LRBA: variants seen among roughly 807,000 people sequenced by gnomAD.
LRBA encodes the protein lipopolysaccharide-responsive and beige-like anchor protein.
Under a neutral mutation model 330.0 loss-of-function variants are expected in LRBA, and 176 were observed. The ratio of observed to expected loss-of-function variants is 0.53; its 90% confidence interval spans 0.47 to 0.60. The LOEUF (loss-of-function observed/expected upper bound fraction) is 0.60, where lower values mean the gene tolerates loss of function less well. Ranked by LOEUF, LRBA falls within the 20% of genes least tolerant of loss-of-function variation. The probability of loss-of-function intolerance (pLI) is 0.00; values close to 1 mark genes in which losing one functional copy is unlikely to be tolerated. For synonymous variants in LRBA, 1,230 were observed against 1,193.0 expected (o/e 1.03, Z -0.64); for missense variants, 3,259 against 3,444.8 (o/e 0.95, Z 1.35).
At chr4:150,362,062 G>A (rs1738784851) in intron 47 of LRBA, among the ~76,000 whole-genome samples, 2 of 152,102 alleles carry the variant, frequency 1.3e-5, no homozygotes, top group Admixed American at 6.5e-5. Context: ...ATGAGCCACC[G>A]CGCCTCGCCC....
At chr4:150,951,189 A>C (rs574863611) in intron 2 of LRBA, among the ~76,000 whole-genome samples, 1 of 152,142 alleles carries the variant, frequency 6.6e-6, no homozygotes, top group Admixed American at 6.5e-5. Context: ...TTTTATACTT[A>C]AGCTACTTTG....
intron 37 of LRBA, among the ~76,000 whole-genome samples, chr4:150,629,323 C>A (rs556785825): frequency 6.6e-5 from 10 of 152,318 alleles, no homozygotes; most frequent in African/African-American, 2.4e-4. Flanking sequence ...AACGGCCCAC[C>A]AATTATAAAA....
intron 42 of LRBA, among the ~76,000 whole-genome samples, chr4:150,475,302 G>C (rs1159755298): frequency 6.6e-6 from 1 of 152,146 alleles, no homozygotes; most frequent in Admixed American, 6.5e-5. Flanking sequence ...TATAGAATGA[G>C]TTGCAAGTGT....
intron 40 of LRBA, among the ~76,000 whole-genome samples, chr4:150,551,791 A>G (rs2152247708): frequency 6.6e-6 from 1 of 152,340 alleles, no homozygotes; most frequent in South Asian, 2.1e-4. Flanking sequence ...AGTCCCATAG[A>G]AAAGTCTATT....
intron 34 of LRBA, among the ~76,000 whole-genome samples, chr4:150,791,458 G>A (rs1410455314): frequency 6.6e-6 from 1 of 152,190 alleles, no homozygotes; most frequent in African/African-American, 2.4e-5. Flanking sequence ...AATAATAGAT[G>A]ATAGTTTCCT....
rs1333117971 is a variant in LRBA, at chr4:150,809,920, GAT to G, written c.5306-1524_5306-1523del. ...GATACGATACGATACGATACGATAC[GAT>G]ACGATACGATACTTCCCTCTGCTTC... On this transcript the variant is annotated intron_variant, in intron 31 of 56. Coordinates refer to ENST00000651943, the MANE Select transcript of LRBA (RefSeq NM_001364905.1). Among the ~76,000 whole-genome samples the G allele has an allele frequency of 6.1e-4, 65 of 106,336 alleles. 1 individual carries two copies. Among genetic ancestry groups the G allele is most frequent in the Middle Eastern group, 5.3e-3 (1 of 188 alleles). The allele number at this position is 106,336 out of a possible 152,430, so 69.8% of individuals were successfully genotyped here. A position where few individuals can be genotyped will look rare whatever the true frequency, so the allele number is the denominator to read the frequency against.
rs148879155 is a variant in LRBA, at chr4:150,279,153, G to A, written c.8317-1149C>T. Reference sequence around the variant, plus strand: ...ATAAATAAGGTTTTACCAGAACATCGCCACACCTATTATTTGTTTATGACT... The same window carrying A: ...ATAAATAAGGTTTTACCAGAACATCACCACACCTATTATTTGTTTATGACT... On this transcript the variant is annotated intron_variant, in intron 55 of 56. Transcript: ENST00000651943. 2.4e-3 allele frequency among the ~76,000 whole-genome samples: 371 copies of A among 152,230 alleles called. 3 individuals are homozygous for A. Among genetic ancestry groups the A allele is most frequent in the African/African-American group, 8.2e-3 (341 of 41,540 alleles).
At chr4:150,672,245 TTA>T (rs1180311844) in intron 37 of LRBA, among the ~76,000 whole-genome samples, 1 of 152,158 alleles carries the variant, frequency 6.6e-6, no homozygotes, top group Non-Finnish European at 1.5e-5. Flanking sequence ...AGTACTTTTT[TTA>T]ATAATCCCAT....
intron 38 of LRBA, among the ~76,000 whole-genome samples, chr4:150,597,540 C>T (rs1773643080): frequency 1.3e-5 from 2 of 151,808 alleles, no homozygotes; most frequent in South Asian, 4.2e-4. Flanking sequence ...AAACATATTG[C>T]CATGTATAGA....
chr4:150,485,982 T>G (rs1309498414), intron 42 of LRBA, among the ~76,000 whole-genome samples: 2 of 151,916 alleles, frequency 1.3e-5, no homozygotes, highest in East Asian at 3.8e-4. Context: ...CTTTTCATTG[T>G]AAGACAAGTA....
At chr4:150,579,750 A>G (rs1357180139) in intron 40 of LRBA, 1 of 455,970 alleles carries the variant, frequency 2.2e-6, no homozygotes, top group Admixed American at 2.4e-5. Flanking sequence ...GAGAAGGCGC[A>G]GGACTTGCGG....
At chr4:150,767,454 G>A (rs907143740) in intron 34 of LRBA, among the ~76,000 whole-genome samples, 9 of 152,034 alleles carry the variant, frequency 5.9e-5, no homozygotes, top group Admixed American at 2.6e-4. Flanking sequence ...TTTGATTCTG[G>A]TGGGCAGATC....
At chr4:150,918,399 A>G (rs570058723) in intron 5 of LRBA, among the ~76,000 whole-genome samples, 1 of 152,354 alleles carries the variant, frequency 6.6e-6, no homozygotes, top group African/African-American at 2.4e-5. Context: ...ATGCAAATCA[A>G]AACTACAATG....
At chr4:150,985,257 C>CAA (rs1225680637) in intron 2 of LRBA, among the ~76,000 whole-genome samples, 3 of 80,242 alleles carry the variant, frequency 3.7e-5, no homozygotes, top group Non-Finnish European at 4.8e-5. Flanking sequence ...GACTCCATCT[C>CAA]AAAAAAAAAA....
At chr4:150,590,642 T>A (rs1772700550) in intron 39 of LRBA, 71 bp downstream of exon 39, 2 of 1,428,236 alleles carry the variant, frequency 1.4e-6, no homozygotes, top group African/African-American at 2.8e-5. Context: ...TGGTCACAGC[T>A]GAAAAAGTAA....
intron 47 of LRBA, among the ~76,000 whole-genome samples, chr4:150,412,266 G>A (rs1747115475): frequency 6.6e-6 from 1 of 152,134 alleles, no homozygotes; most frequent in Admixed American, 6.5e-5. Context: ...TAAAACTCAA[G>A]CAGTAGGAAT....
At chr4:150,501,293 G>A (rs2152117832) in intron 40 of LRBA, among the ~76,000 whole-genome samples, 1 of 152,262 alleles carries the variant, frequency 6.6e-6, no homozygotes, top group South Asian at 2.1e-4. Flanking sequence ...ACTGATGGAT[G>A]GAGGGCCAAC....
chr4:150,838,601 C>T (rs1204187222), intron 28 of LRBA, among the ~76,000 whole-genome samples: 2 of 152,302 alleles, frequency 1.3e-5, no homozygotes, highest in South Asian at 4.1e-4. Context: ...GAAGCTTGTG[C>T]ATTTGTCACG....
chr4:151,008,988 A>AAAAAAAATATATAT (rs1554018903), intron 2 of LRBA, among the ~76,000 whole-genome samples: 1 of 5,532 alleles, frequency 1.8e-4, no homozygotes, highest in Non-Finnish European at 3.9e-4. Flanking sequence ...AAAAAAAAAA[A>AAAAAAAATATATAT]ATATATATAT....
Sources: gnomAD v4.1 joint callset for allele counts (sites outside exome capture counted in the v4.1 genomes callset) on GRCh38, gnomAD v4.1.1 for gene constraint, MANE v1.5 for transcripts, NCBI Gene and HGNC (gene_info 2026-07-23, HGNC 2026-07-21) for gene names.